RAPGEF2: variants seen among roughly 807,000 people sequenced by gnomAD.
RAPGEF2 encodes PDZ domain containing guanine nucleotide exchange factor (GEF) 1.
A neutral mutation model predicts 186.7 loss-of-function variants in RAPGEF2; 54 were observed. The ratio of observed to expected loss-of-function variants is 0.29; its 90% CI spans 0.23 to 0.36. The LOEUF is 0.36. RAPGEF2 is among the 10% of genes least tolerant of loss of function. The probability of loss-of-function intolerance (pLI) is 1.00; values close to 1 mark genes in which losing one functional copy is unlikely to be tolerated. For missense variants in RAPGEF2, 1,532 were observed against 2,045.0 expected, an observed-to-expected ratio of 0.75 and a Z score of 4.84; for synonymous variants, 712 against 705.9, an observed-to-expected ratio of 1.01 and a Z score of -0.14.
At chr4:159,131,803 C>G (rs530460416) in intron 1 of RAPGEF2, among the ~76,000 whole-genome samples, 6 of 151,208 alleles carry the variant, frequency 4.0e-5, no homozygotes, top group Non-Finnish European at 8.8e-5. Context: ...TATTTCCATT[C>G]CTTAAGAAGT....
intron 8 of RAPGEF2, among the ~76,000 whole-genome samples, chr4:159,312,140 A>G (rs17038042): frequency 0.089 from 13,576 of 152,140 alleles, 2,024 homozygotes; most frequent in African/African-American, 0.31. Context: ...AATATATTCC[A>G]TCTTTTTGCA....
In RAPGEF2 at chr4:159,103,341, C is replaced by A; in HGVS notation, c.-822C>A. ...TGCAGCCCGGGCCGGGTGCTCTGGCCGCGGCGGCGCCGGCGCCGGGGCAGC... is the reference window on the plus strand; with the variant it reads ...TGCAGCCCGGGCCGGGTGCTCTGGCAGCGGCGGCGCCGGCGCCGGGGCAGC... On this transcript the variant is annotated 5_prime_UTR_variant, in exon 1 of 30. Coordinates refer to ENST00000691494, the MANE Select transcript of RAPGEF2 (RefSeq NM_001394067.2). The A allele has an allele frequency of 6.6e-6, 1 of 151,578 alleles. No homozygotes were observed. Among genetic ancestry groups the A allele is most frequent in the South Asian group, 1.8e-4 (1 of 5,628 alleles). The allele number at this position is 151,578 out of a possible 1,614,324, so 9.4% of individuals were successfully genotyped here.
intron 1 of RAPGEF2, among the ~76,000 whole-genome samples, chr4:159,108,814 A>G (rs918054609): frequency 2.0e-5 from 3 of 152,004 alleles, no homozygotes; most frequent in East Asian, 3.9e-4. Context: ...TATCTCCCAG[A>G]CTCAAATGAT....
chr4:159,168,333 G>T (rs1156910808), intron 1 of RAPGEF2, among the ~76,000 whole-genome samples: 1 of 152,084 alleles, frequency 6.6e-6, no homozygotes, highest in African/African-American at 2.4e-5. Flanking sequence ...TGTATTTCCA[G>T]GTATTCTTGA....
intron 4 of RAPGEF2, among the ~76,000 whole-genome samples, chr4:159,212,165 T>C (rs751112705): frequency 2.6e-5 from 4 of 152,118 alleles, no homozygotes; most frequent in Non-Finnish European, 4.4e-5. Context: ...AAGCCTAGAG[T>C]GACCCTGTGA....
At chr4:159,215,118 C>G (rs1475253545) in intron 4 of RAPGEF2, among the ~76,000 whole-genome samples, 1 of 152,104 alleles carries the variant, frequency 6.6e-6, no homozygotes, top group African/African-American at 2.4e-5. Context: ...CCACCTTGGC[C>G]TCCCAAAATG....
At chr4:159,262,034 A>G (rs530034111) in intron 7 of RAPGEF2, among the ~76,000 whole-genome samples, 47 of 152,316 alleles carry the variant, frequency 3.1e-4, no homozygotes, top group African/African-American at 1.1e-3. Context: ...ATCTTTTATA[A>G]TTACTCACCC....
chr4:159,137,864 T>C (rs1009271585), intron 1 of RAPGEF2, among the ~76,000 whole-genome samples: 1 of 152,156 alleles, frequency 6.6e-6, no homozygotes, highest in African/African-American at 2.4e-5. Flanking sequence ...TTAAAAACAT[T>C]TCTTTATCCT....
At chr4:159,216,412 A>G (rs1043683390) in intron 4 of RAPGEF2, among the ~76,000 whole-genome samples, 1 of 152,088 alleles carries the variant, frequency 6.6e-6, no homozygotes, top group African/African-American at 2.4e-5. Flanking sequence ...TTAAGGGGGT[A>G]TTTTCTGAGT....
intron 2 of RAPGEF2, among the ~76,000 whole-genome samples, chr4:159,187,132 A>T (rs192854340): frequency 1.4e-4 from 22 of 152,360 alleles, no homozygotes; most frequent in Non-Finnish European, 4.4e-5. Context: ...TCTAGGTCCT[A>T]TACTAAGGAG....
intron 1 of RAPGEF2, among the ~76,000 whole-genome samples, chr4:159,108,753 T>C (rs991887795): frequency 2.6e-5 from 4 of 152,112 alleles, no homozygotes; most frequent in Non-Finnish European, 5.9e-5. Flanking sequence ...GAGCGAGATA[T>C]ATATATTTGG....
intron 20 of RAPGEF2, 68 bp from the exon 21 acceptor site, chr4:159,342,911 A>G (rs2111273032): frequency 3.8e-6 from 5 of 1,326,516 alleles, no homozygotes; most frequent in African/African-American, 1.5e-5. Context: ...GAGATGTTAT[A>G]TGTCAATAAA....
intron 1 of RAPGEF2, among the ~76,000 whole-genome samples, chr4:159,181,575 CTT>C (rs531646826): frequency 0.04 from 4,846 of 121,366 alleles, 169 homozygotes; most frequent in African/African-American, 0.14. Context: ...GGAAGACAGT[CTT>C]TTTTTTTTTT....
At chr4:159,124,603 T>C (rs905872529) in intron 1 of RAPGEF2, among the ~76,000 whole-genome samples, 1 of 152,194 alleles carries the variant, frequency 6.6e-6, no homozygotes, top group Non-Finnish European at 1.5e-5. Context: ...GCTGAAGATA[T>C]ATCTTTACGC....
chr4:159,342,112 C>T (rs182592489), intron 20 of RAPGEF2, among the ~76,000 whole-genome samples, 165 bp downstream of exon 20: 27 of 150,408 alleles, frequency 1.8e-4, no homozygotes, highest in African/African-American at 6.3e-4. Flanking sequence ...AATTTAAAAT[C>T]TCTCGTATCA....
chr4:159,215,369 G>A (rs1018180890), intron 4 of RAPGEF2, among the ~76,000 whole-genome samples: 2 of 151,010 alleles, frequency 1.3e-5, no homozygotes, highest in Non-Finnish European at 2.9e-5. Context: ...GAAAGATGGG[G>A]TTCTTGCTGT....
chr4:159,349,080 T>C (rs11727094), intron 25 of RAPGEF2, among the ~76,000 whole-genome samples: 62,125 of 152,116 alleles, frequency 0.41, 13,217 homozygotes, highest in Non-Finnish European at 0.47. Context: ...AATCTGTGTA[T>C]GATGCTGGCC....
intron 1 of RAPGEF2, among the ~76,000 whole-genome samples, chr4:159,118,902 A>C (rs1241007790): frequency 6.6e-6 from 1 of 152,188 alleles, no homozygotes; most frequent in East Asian, 1.9e-4. Context: ...AGTTCTTAAC[A>C]CAGTCTCTGG....
At chr4:159,284,813 G>A (rs1310429136) in intron 7 of RAPGEF2, among the ~76,000 whole-genome samples, 2 of 152,162 alleles carry the variant, frequency 1.3e-5, no homozygotes, top group African/African-American at 4.8e-5. Context: ...AACCCTTTGG[G>A]AGGCCAAGGC....
Sources: allele counts gnomAD v4.1 joint callset (sites outside exome capture counted in the v4.1 genomes callset), GRCh38; gene constraint gnomAD v4.1.1; transcripts MANE v1.5; gene names NCBI Gene and HGNC (gene_info 2026-07-23, HGNC 2026-07-21).